PTPRS: variants seen among roughly 807,000 people sequenced by gnomAD.
PTPRS encodes the protein protein tyrosine phosphatase receptor type S.
A neutral mutation model predicts 215.3 loss-of-function variants in PTPRS; 63 were observed. The observed-to-expected ratio is 0.29, with a 90% CI of 0.24 to 0.36. PTPRS has a LOEUF of 0.36. Ranked by LOEUF, PTPRS falls within the 10% of genes least tolerant of loss-of-function variation. PTPRS has a pLI of 1.00. For synonymous variants in PTPRS, 1,404 were observed against 1,191.4 expected, an observed-to-expected ratio of 1.18 and a Z score of -3.68; for missense variants, 2,258 against 2,825.8, an observed-to-expected ratio of 0.80 and a Z score of 4.56.
chr19:5,224,826 T>C (rs116610344), intron 17 of PTPRS, among the ~76,000 whole-genome samples: 1,765 of 152,002 alleles, frequency 0.012, 36 homozygotes, highest in African/African-American at 0.041. Flanking sequence ...GTGAAGGGAA[T>C]AGTGTGGACA....
intron 1 of PTPRS, among the ~76,000 whole-genome samples, chr19:5,301,728 A>G (rs4807021): frequency 0.75 from 113,051 of 151,498 alleles, 42,959 homozygotes; most frequent in African/African-American, 0.88. Flanking sequence ...GGGTGATCAC[A>G]GTCTCCCCCC....
chr19:5,294,953 G>T lies in PTPRS; in HGVS notation c.-94-8719C>A, dbSNP rs556932487. Among the ~76,000 whole-genome samples the T allele has an allele frequency of 6.6e-6, 1 of 152,204 alleles. No homozygotes were observed. The highest frequency in any genetic ancestry group is 1.5e-5 in the Non-Finnish European group (1 of 68,038). ...GGTGCTTCATGGAGGAGGCTGCCTG[G>T]TGCCCCAGCATCACCAAAGGCACAC... On this transcript the variant is annotated intron_variant, in intron 1 of 37. Coordinates refer to ENST00000262963, the MANE Select transcript of PTPRS (RefSeq NM_002850.4). The surrounding 1 kb of genome is among the most constrained non-coding windows in gnomAD (Gnocchi z 5.1).
chr19:5,245,621 C>G (rs2044418266), intron 10 of PTPRS, among the ~76,000 whole-genome samples, 155 bp downstream of exon 10: 1 of 152,216 alleles, frequency 6.6e-6, no homozygotes, highest in South Asian at 2.1e-4. Context: ...TAAATAATAC[C>G]TGTTCAAAGA....
chr19:5,276,735 G>T (rs1166951311), intron 2 of PTPRS, among the ~76,000 whole-genome samples: 1 of 151,618 alleles, frequency 6.6e-6, no homozygotes, highest in Non-Finnish European at 1.5e-5. Flanking sequence ...TAGAGATGGG[G>T]GTTTCACCGT....
chr19:5,311,988 C>T (rs1292617778), intron 1 of PTPRS, among the ~76,000 whole-genome samples: 1 of 151,146 alleles, frequency 6.6e-6, no homozygotes, highest in African/African-American at 2.4e-5. Context: ...TGCAGTGAGC[C>T]GAGATCGTGC....
intron 1 of PTPRS, among the ~76,000 whole-genome samples, chr19:5,324,248 A>G (rs4989814): frequency 0.12 from 17,597 of 141,034 alleles, 1,295 homozygotes; most frequent in Admixed American, 0.19. Context: ...AAAAAAAAAA[A>G]AAAGAAAGAA....
At chr19:5,211,408 A>C (rs1183375148) in intron 33 of PTPRS, among the ~76,000 whole-genome samples, 182 bp downstream of exon 33, 1 of 152,156 alleles carries the variant, frequency 6.6e-6, no homozygotes, top group Non-Finnish European at 1.5e-5. Context: ...CCATCAGTTA[A>C]ACACACACCC....
rs1381559711 is a variant in PTPRS, at chr19:5,257,073, C to T, written c.706+944G>A. Among the ~76,000 whole-genome samples the T allele has an allele frequency of 2.0e-5, 3 of 150,892 alleles. No individual in the cohort carries two copies. Among genetic ancestry groups the T allele is most frequent in the Admixed American group, 6.6e-5 (1 of 15,094 alleles). The stretch of plus-strand genomic sequence containing the variant: ...CTACCACAAATCTGATCAGAAACAG[C>T]GACTAGGAGGTGAAAGGGAGGAGGA... On this transcript the variant is annotated intron_variant, in intron 8 of 37. Coordinates refer to ENST00000262963, the MANE Select transcript of PTPRS (RefSeq NM_002850.4). The surrounding 1 kb of genome is among the most constrained non-coding windows in gnomAD (Gnocchi z 4.4).
In PTPRS at chr19:5,229,334, C is replaced by G; in HGVS notation, c.2358G>C (p.Thr786=). 7.3e-7 allele frequency: 1 copy of G among 1,378,526 alleles called. No individual in the cohort carries two copies. The highest frequency in any genetic ancestry group is 9.4e-7 in the Non-Finnish European group (1 of 1,060,794). 85.4% of individuals were successfully genotyped at this position (1,378,526 alleles called of 1,614,324 possible). A position where few individuals can be genotyped will look rare whatever the true frequency, so the allele number is the denominator to read the frequency against. The part of the protein sequence containing the change: ...DVMLADAQWE[T]DDTAEYEMVI... ...TACTTACATATTCGGCCGTGTCATC[C>G]GTCTCCCACTGAGCGCGGGAGGAGG... is the stretch of plus-strand genomic sequence containing the variant. Residue 786 remains threonine, a synonymous_variant, in exon 16 of 38, where the codon ACG becomes ACC. Transcript: ENST00000262963.
Position 5,229,492 on chromosome 19 carries a change from T to C in PTPRS, c.2348A>G (p.Gln783Arg). Reference protein sequence around the residue: ...RIKDVMLADAQWETDDTAEYE... With the variant: ...RIKDVMLADARWETDDTAEYE... ...GCCCCGCCCCGGCCCCCCGCCCACC[T>C]GGGCATCGGCCAGCATGACGTCCTT... The change falls in exon 15 of 38, where the codon CAG becomes CGG. Residue 783 changes from glutamine (Q) to arginine (R), a missense_variant and splice_region_variant. This residue lies in a region of PTPRS where 371 missense variants were observed against 446.7 expected (regional missense o/e 0.83). Coordinates refer to ENST00000262963, the MANE Select transcript of PTPRS (RefSeq NM_002850.4). 1 of 1,424,250 alleles carries C rather than the reference T, an allele frequency of 7.0e-7. No individual in the cohort carries two copies. The highest frequency in any genetic ancestry group is 9.2e-7 in the Non-Finnish European group (1 of 1,090,886). The allele number at this position is 1,424,250 out of a possible 1,614,324, so 88.2% of individuals were successfully genotyped here.
At chr19:5,297,677 G>A (rs1174589464) in intron 1 of PTPRS, among the ~76,000 whole-genome samples, 1 of 152,162 alleles carries the variant, frequency 6.6e-6, no homozygotes, top group Non-Finnish European at 1.5e-5. Flanking sequence ...ACACCTGGAG[G>A]AAGAGAGCAA....
At chr19:5,239,643 G>C (rs2043843585) in intron 12 of PTPRS, among the ~76,000 whole-genome samples, 3 of 151,694 alleles carry the variant, frequency 2.0e-5, no homozygotes, top group African/African-American at 4.9e-5. Flanking sequence ...GGAGGAGAGA[G>C]AGATTGAGAC....
At chr19:5,253,105 G>C (rs914426818) in intron 9 of PTPRS, among the ~76,000 whole-genome samples, 2 of 152,128 alleles carry the variant, frequency 1.3e-5, no homozygotes, top group Admixed American at 6.5e-5. Context: ...AACATTCATA[G>C]TCAGGGAGAA....
At chr19:5,304,566 T>C (rs1296983837) in intron 1 of PTPRS, among the ~76,000 whole-genome samples, 1 of 152,182 alleles carries the variant, frequency 6.6e-6, no homozygotes, top group Non-Finnish European at 1.5e-5. Context: ...AGAGAATCAC[T>C]TGAACCCGGG....
chr19:5,221,295 G>A, intron 19 of PTPRS, 42 bp from the exon 20 acceptor site: 1 of 1,575,984 alleles, frequency 6.3e-7, no homozygotes, highest in South Asian at 1.2e-5. Context: ...GTGGGCTCAT[G>A]CCCATGGACT....
At chr19:5,328,786 G>A (rs2050237188) in intron 1 of PTPRS, among the ~76,000 whole-genome samples, 1 of 152,094 alleles carries the variant, frequency 6.6e-6, no homozygotes, top group Non-Finnish European at 1.5e-5. Flanking sequence ...AGCCAGCCAT[G>A]GTGGTGCGTG....
chr19:5,330,086 A>AG (rs1049041788), intron 1 of PTPRS, among the ~76,000 whole-genome samples: 14 of 152,038 alleles, frequency 9.2e-5, no homozygotes, highest in African/African-American at 2.7e-4. Flanking sequence ...CAAAAAAAAA[A>AG]AAAAAAAAAA....
chr19:5,248,439 A>G (rs1309863758), intron 9 of PTPRS, among the ~76,000 whole-genome samples: 2 of 151,358 alleles, frequency 1.3e-5, no homozygotes, highest in African/African-American at 4.9e-5. Flanking sequence ...CGGGGTCTGA[A>G]AGGAGGAGGA....
intron 4 of PTPRS, among the ~76,000 whole-genome samples, chr19:5,266,122 G>C (rs1157590673): frequency 1.3e-5 from 2 of 152,002 alleles, no homozygotes; most frequent in Non-Finnish European, 2.9e-5. Flanking sequence ...AGCCGGGCAT[G>C]ATGGTGCATG....
Sources: gnomAD v4.1 joint callset for allele counts (sites outside exome capture counted in the v4.1 genomes callset) on GRCh38, gnomAD v4.1.1 for gene constraint, gnomAD v4.1.1 regional missense constraint, Gnocchi (gnomAD v3.1) non-coding constraint, MANE v1.5 for transcripts, NCBI Gene and HGNC (gene_info 2026-07-23, HGNC 2026-07-21) for gene names.